Variants in PRRG3 observed in about 807,000 individuals in gnomAD.
PRRG3 encodes proline rich and Gla domain 3.
A neutral mutation model predicts 15.8 loss-of-function variants in PRRG3; 21 were observed. The ratio of observed to expected loss-of-function variants is 1.33; its 90% CI spans 0.94 to 1.92. The LOEUF is 1.92. PRRG3 is among the 40% of genes most tolerant of loss of function. The pLI is 0.00. For synonymous variants in PRRG3, 125 were observed against 84.1 expected, an observed-to-expected ratio of 1.49 and a Z score of -2.66; for missense variants, 251 against 200.2, an observed-to-expected ratio of 1.25 and a Z score of -1.53.
Position 151,700,604 on chromosome X carries a change from G to A in PRRG3, c.267G>A (p.Val89=). ...ATGTGGTGGTACCCCTTCTGGGGGT[G>A]GCACTGCTGATTGTCATCGCCTTGT... ...AMYVVVPLLG[V]ALLIVIALFI... is the part of the protein sequence containing the mutation. The change falls in exon 4 of 4, where the codon GTG becomes GTA. Residue 89 remains valine (V), a synonymous_variant. Coordinates refer to ENST00000674457, the MANE Select transcript of PRRG3 (RefSeq NM_001372163.1). 8.3e-7 allele frequency: 1 copy of A among 1,211,139 alleles called. No individual in the cohort carries two copies. The highest frequency in any genetic ancestry group is 1.1e-6 in the Non-Finnish European group (1 of 894,866).
Position 151,704,055 on chromosome X carries a change from G to A in PRRG3, c.*3022G>A, listed in dbSNP as rs2014941016. The A allele has an allele frequency of 9.3e-6, 1 of 108,057 alleles. No homozygotes were observed. Among genetic ancestry groups the A allele is most frequent in the Admixed American group, 9.9e-5 (1 of 10,094 alleles). The allele number at this position is 108,057 out of a possible 1,213,427, so 8.9% of individuals were successfully genotyped here. ...AAGGTTTTAAAAATTTTCTTGAAAT[G>A]TGACTGTCACTTGTTTTCAACCAAA... On this transcript the variant is annotated 3_prime_UTR_variant, in exon 4 of 4. Transcript: ENST00000674457.
chrX:151,705,105 C>T lies in PRRG3; in HGVS notation c.*4072C>T, dbSNP rs1291883560. On this transcript the variant is annotated 3_prime_UTR_variant, in exon 4 of 4. Coordinates refer to ENST00000674457, the MANE Select transcript of PRRG3 (RefSeq NM_001372163.1). ...TTCAGCTTTGCAGTTCAGCACTTCT[C>T]GTATGTACAGGGTGATCTCTTGTTC... 2 of 243,609 alleles carry T rather than the reference C, an allele frequency of 8.2e-6. No homozygotes were observed. Among genetic ancestry groups the T allele is most frequent in the East Asian group, 1.1e-4 (1 of 8,882 alleles). The allele number at this position is 243,609 out of a possible 1,213,427, so 20.1% of individuals were successfully genotyped here. A position where few individuals can be genotyped will look rare whatever the true frequency, so the allele number is the denominator to read the frequency against.
In PRRG3 at chrX:151,705,217, C is replaced by T. The variant is rs781536458; in HGVS notation, c.*4184C>T. On this transcript the variant is annotated 3_prime_UTR_variant, in exon 4 of 4. Transcript: ENST00000674457. ...TGAATAACATAGTTTGTGAACTAGA[C>T]TGCAATTTAAACTAATACACATGAT... 3.0e-5 allele frequency: 10 copies of T among 329,083 alleles called. No individual in the cohort carries two copies. The East Asian group carries it at 4.0e-4, about 13-fold the overall frequency. 27.1% of individuals were successfully genotyped at this position (329,083 alleles called of 1,213,427 possible).
In PRRG3 at chrX:151,703,389, T is replaced by C. The variant is rs1386953886; in HGVS notation, c.*2356T>C. 3 of 112,103 alleles carry C rather than the reference T, an allele frequency of 2.7e-5. No homozygotes were observed. Among genetic ancestry groups the C allele is most frequent in the Non-Finnish European group, 5.6e-5 (3 of 53,197 alleles). The allele number at this position is 112,103 out of a possible 1,213,427, so 9.2% of individuals were successfully genotyped here. A position where few individuals can be genotyped will look rare whatever the true frequency, so the allele number is the denominator to read the frequency against. On this transcript the variant is annotated 3_prime_UTR_variant, in exon 4 of 4. Coordinates refer to ENST00000674457, the MANE Select transcript of PRRG3 (RefSeq NM_001372163.1). ...TGTACATATCTTTTCAAACTCTGTG[T>C]TTGTATGGAGGTGGATTTGATACAA...
intron 1 of PRRG3, among the ~76,000 whole-genome samples, chrX:151,696,961 A>C (rs757322266): frequency 8.2e-5 from 9 of 110,355 alleles, no homozygotes; most frequent in Non-Finnish European, 1.5e-4. Context: ...TTTTACCTTT[A>C]ATTTTCTTTT....
Position 151,705,703 on chromosome X carries a change from T to G in PRRG3, c.*4670T>G. ...GAAATGGATTAATTTTGATACCACT[T>G]TAAACTGTGCTTGTATTCATGTGTT... On this transcript the variant is annotated 3_prime_UTR_variant, in exon 4 of 4. Coordinates refer to ENST00000674457, the MANE Select transcript of PRRG3 (RefSeq NM_001372163.1). 6.3e-6 allele frequency: 1 copy of G among 158,075 alleles called. No individual in the cohort carries two copies. The highest frequency in any genetic ancestry group is 1.7e-4 in the South Asian group (1 of 6,027). The allele number at this position is 158,075 out of a possible 1,213,427, so 13.0% of individuals were successfully genotyped here. A position where few individuals can be genotyped will look rare whatever the true frequency, so the allele number is the denominator to read the frequency against.
chrX:151,700,871 T>C lies in PRRG3; in HGVS notation c.534T>C (p.Pro178=), dbSNP rs2014865751. 7 of 1,208,866 alleles carry C rather than the reference T, an allele frequency of 5.8e-6. No individual in the cohort carries two copies. The East Asian group carries it at 2.1e-4, about 36-fold the overall frequency. ...TVRLESTLYL[P]ELSLSRLSST... is the part of the protein sequence containing the mutation. ...GGCTAGAGAGCACCCTCTACCTCCCTGAGCTCTCTCTCTCCAGACTGTCCA... is the reference window on the plus strand; with the variant it reads ...GGCTAGAGAGCACCCTCTACCTCCCCGAGCTCTCTCTCTCCAGACTGTCCA... The change falls in exon 4 of 4, where the codon CCT becomes CCC. Residue 178 remains proline, a synonymous_variant. Coordinates refer to ENST00000674457, the MANE Select transcript of PRRG3 (RefSeq NM_001372163.1).
chrX:151,700,169 C>T lies in PRRG3; in HGVS notation c.168+13C>T. On this transcript the variant is annotated intron_variant, in intron 3 of 3. Transcript: ENST00000674457. The stretch of plus-strand genomic sequence containing the variant: ...CAAAGAGAAAACGGCATGTACCACC[C>T]TGGGGCTGGTTCTGGGAGTAGGAGT... The T allele has an allele frequency of 3.3e-6, 4 of 1,211,931 alleles. No homozygotes were observed. Among genetic ancestry groups the T allele is most frequent in the Middle Eastern group, 4.6e-4 (2 of 4,354 alleles).
At chrX:151,698,057 TTGTC>T (rs910372108) in intron 1 of PRRG3, among the ~76,000 whole-genome samples, 6 of 110,778 alleles carry the variant, frequency 5.4e-5, no homozygotes, top group African/African-American at 2.0e-4. Context: ...TCTTGCCTCT[TTGTC>T]TGGTGAAGAT....
At chrX:151,699,345 A>G (rs746045881) in intron 2 of PRRG3, among the ~76,000 whole-genome samples, 127 of 112,538 alleles carry the variant, frequency 1.1e-3, no homozygotes, top group African/African-American at 4.0e-3. Flanking sequence ...CCCCGTCTGT[A>G]AAAGCTTAGA....
rs151319018 is a variant in PRRG3 at position 151,699,206 on chromosome X, T to A, written c.7+385T>A. 6.2e-5 allele frequency among the ~76,000 whole-genome samples: 7 copies of A among 112,743 alleles called. No individual in the cohort carries two copies. The East Asian group carries it at 2.0e-3, about 32-fold the overall frequency. ...TCACCTCTTCTTTCATCCTTCACAG[T>A]CTCAACTTAGGCTTATGTGGGTGCA... On this transcript the variant is annotated intron_variant, in intron 2 of 3. Coordinates refer to ENST00000674457, the MANE Select transcript of PRRG3 (RefSeq NM_001372163.1).
Position 151,701,010 on chromosome X carries a change from G to T in PRRG3, c.673G>T (p.Ala225Ser), listed in dbSNP as rs367767075. The T allele has an allele frequency of 1.7e-6, 2 of 1,156,157 alleles. No homozygotes were observed. The highest frequency in any genetic ancestry group is 1.8e-5 in the African/African-American group (1 of 55,738). ...CCCAAAGTACGAGGAGATAGTGGCC[G>T]CCAACCCTGGCGCTGACAAGTAGTG... is the stretch of plus-strand genomic sequence containing the variant. The part of the protein sequence containing the change: ...PPPKYEEIVA[A>S]NPGADK Residue 225 changes from alanine to serine, a missense_variant, in exon 4 of 4, where the codon GCC becomes TCC. Transcript: ENST00000674457.
chrX:151,697,311 C>T (rs1313748733), intron 1 of PRRG3, among the ~76,000 whole-genome samples: 7 of 109,767 alleles, frequency 6.4e-5, no homozygotes, highest in Non-Finnish European at 9.5e-5. Flanking sequence ...AGGCATGCAC[C>T]GCAGCATGCC....
At chrX:151,699,511 G>A (rs929454120) in intron 2 of PRRG3, among the ~76,000 whole-genome samples, 1 of 112,074 alleles carries the variant, frequency 8.9e-6, no homozygotes, top group African/African-American at 3.3e-5. Flanking sequence ...GGATGTTCAG[G>A]TGGAGGAACA....
rs113176763 is a variant in PRRG3, at chrX:151,703,459, ATGTGTGTG to A, written c.*2448_*2455del. The A allele has an allele frequency of 2.0e-5, 2 of 101,017 alleles. No individual in the cohort carries two copies. Among genetic ancestry groups the A allele is most frequent in the Non-Finnish European group, 4.0e-5 (2 of 49,544 alleles). 8.3% of individuals were successfully genotyped at this position (101,017 alleles called of 1,213,427 possible). ...ACATTTTTGCTGTTTTTGGACTTCTATGTGTGTGTGTGTGTGTGTGTGTGTGTGTATCT... is the reference window on the plus strand; with the variant it reads ...ACATTTTTGCTGTTTTTGGACTTCTATGTGTGTGTGTGTGTGTGTGTATCT... On this transcript the variant is annotated 3_prime_UTR_variant, in exon 4 of 4. Coordinates refer to ENST00000674457, the MANE Select transcript of PRRG3 (RefSeq NM_001372163.1).
chrX:151,700,427 G>C, intron 3 of PRRG3, 79 bp from the exon 4 acceptor site: 3 of 1,122,094 alleles, frequency 2.7e-6, no homozygotes, highest in Admixed American at 2.8e-5. Context: ...GGGAAGGGTA[G>C]GAAGCACCAG....
Position 151,704,448 on chromosome X carries a change from C to A in PRRG3, c.*3415C>A, listed in dbSNP as rs901294442. ...AGTCAGAGCCGGATGCTTCCCCTCT[C>A]CCAGTGGGTGGAGCATCGCAACCCC... On this transcript the variant is annotated 3_prime_UTR_variant, in exon 4 of 4. Transcript: ENST00000674457. 9.0e-6 allele frequency: 1 copy of A among 111,706 alleles called. No homozygotes were observed. Among genetic ancestry groups the A allele is most frequent in the African/African-American group, 3.3e-5 (1 of 30,694 alleles). 9.2% of individuals were successfully genotyped at this position (111,706 alleles called of 1,213,427 possible).
intron 2 of PRRG3, among the ~76,000 whole-genome samples, chrX:151,699,077 G>A (rs1401922472): frequency 7.1e-5 from 8 of 113,217 alleles, no homozygotes; most frequent in Middle Eastern, 4.6e-3. Flanking sequence ...CTGGGGAAGG[G>A]TGCCTGCCTG....
intron 1 of PRRG3, among the ~76,000 whole-genome samples, chrX:151,698,151 G>A (rs889902948): frequency 2.0e-4 from 22 of 111,779 alleles, no homozygotes; most frequent in African/African-American, 6.8e-4. Flanking sequence ...GTGCATGGAG[G>A]ATGAGACCCT....
Sources: gnomAD v4.1 joint callset for allele counts (sites outside exome capture counted in the v4.1 genomes callset) on GRCh38, gnomAD v4.1.1 for gene constraint, MANE v1.5 for transcripts, NCBI Gene and HGNC (gene_info 2026-07-23, HGNC 2026-07-21) for gene names.